Variants in LIFR observed in about 807,000 individuals in gnomAD.
The protein encoded by LIFR is LIF receptor subunit alpha.
In LIFR, 84 loss-of-function variants were observed where a neutral mutation model predicts 122.2. The observed-to-expected ratio is 0.69, with a 90% CI of 0.58 to 0.82. The LOEUF (loss-of-function observed/expected upper bound fraction) is 0.82, where lower values mean the gene tolerates loss of function less well. Ranked by LOEUF, LIFR falls within the 40% of genes least tolerant of loss-of-function variation. The pLI, the probability that LIFR is intolerant of heterozygous loss-of-function variation, is 0.00. For synonymous variants in LIFR, 422 were observed against 434.7 expected, an observed-to-expected ratio of 0.97 and a Z score of 0.36; for missense variants, 1,294 against 1,311.6, an observed-to-expected ratio of 0.99 and a Z score of 0.21.
At chr5:38,564,757 C>T (rs1484708270) in intron 1 of LIFR, among the ~76,000 whole-genome samples, 8 of 151,004 alleles carry the variant, frequency 5.3e-5, no homozygotes, top group African/African-American at 2.0e-4. Flanking sequence ...CACACACACA[C>T]ACACACACAC....
At chr5:38,558,113 T>A (rs1291113834), upstream of LIFR, 1 of 151,980 alleles carries the variant, frequency 6.6e-6, no homozygotes, top group Non-Finnish European at 1.5e-5. Flanking sequence ...GAAAAAAAAT[T>A]TAGGTTTAAG....
At chr5:38,601,431 G>C (rs1008256348) in intron 2 of LIFR, among the ~76,000 whole-genome samples, 1 of 152,190 alleles carries the variant, frequency 6.6e-6, no homozygotes, top group African/African-American at 2.4e-5. Context: ...CAAACTTGAA[G>C]GACTGGAGCA....
At position 38,504,248 on chromosome 5, in the gene LIFR, C is replaced by T. The variant is rs118135436; in HGVS notation, c.1292-127G>A. The T allele has an allele frequency of 1.9e-3, 1,246 of 669,516 alleles. 22 individuals carry two copies. The highest frequency in any genetic ancestry group is 0.013 in the South Asian group (740 of 56,094). The allele number at this position is 669,516 out of a possible 1,614,324, so 41.5% of individuals were successfully genotyped here. ...TAGTGCTGACCAACAACATCCTACC[C>T]AGTATTTGTGGAATTGACAAACCTA... On this transcript the variant is annotated intron_variant, in intron 9 of 19. Transcript: ENST00000453190.
At position 38,474,825 on chromosome 5, in the gene LIFR, T is replaced by G. The variant is rs1377539193; in HGVS notation, c.*6770A>C. The stretch of plus-strand genomic sequence containing the variant: ...AATGTACTCAAATGTTAAAAATACA[T>G]CCATAGCGCTATGTGATTGCTTTAC... On this transcript the variant is annotated 3_prime_UTR_variant, in exon 20 of 20. Transcript: ENST00000453190. The G allele has an allele frequency of 6.5e-6, 1 of 152,716 alleles. No individual in the cohort carries two copies. The highest frequency in any genetic ancestry group is 2.4e-5 in the African/African-American group (1 of 41,456). The allele number at this position is 152,716 out of a possible 1,614,324, so 9.5% of individuals were successfully genotyped here. A position where few individuals can be genotyped will look rare whatever the true frequency, so the allele number is the denominator to read the frequency against.
chr5:38,486,903 C>G (rs1456446068), intron 16 of LIFR, among the ~76,000 whole-genome samples: 1 of 152,236 alleles, frequency 6.6e-6, no homozygotes, highest in Non-Finnish European at 1.5e-5. Context: ...TGAGTTACTG[C>G]TAAGACACAT....
intron 1 of LIFR, among the ~76,000 whole-genome samples, chr5:38,607,085 T>A (rs1750344808): frequency 6.6e-6 from 1 of 152,260 alleles, no homozygotes; most frequent in African/African-American, 2.4e-5. Flanking sequence ...TGTAAACATA[T>A]TTTTTAAAAA....
intron 7 of LIFR, among the ~76,000 whole-genome samples, chr5:38,508,671 G>C (rs1561157845): frequency 1.3e-5 from 2 of 151,990 alleles, no homozygotes; most frequent in African/African-American, 4.8e-5. Context: ...CCGCCTCCTG[G>C]GTTCATGCCA....
chr5:38,527,334 A>G, intron 3 of LIFR, 40 bp from the exon 4 acceptor site: 1 of 1,285,980 alleles, frequency 7.8e-7, no homozygotes, highest in Admixed American at 1.7e-5. Flanking sequence ...AAATAAAATT[A>G]ATAGTATAAT....
At position 38,572,910 on chromosome 5, in the gene LIFR, C is replaced by T. The variant is rs79165949; in HGVS notation, c.-20+22351G>A. 5.8e-3 allele frequency among the ~76,000 whole-genome samples: 882 copies of T among 152,318 alleles called. 9 individuals are homozygous for T. Among genetic ancestry groups the T allele is most frequent in the Admixed American group, 0.019 (289 of 15,300 alleles). On this transcript the variant is annotated intron_variant, in intron 1 of 19. Coordinates refer to the LIFR transcript ENST00000263409. ...AATCATACTCCTTCCCTACACACTA[C>T]GAAACAGTTCAAACTGTGTGCATGG...
intron 7 of LIFR, among the ~76,000 whole-genome samples, chr5:38,508,582 CT>C (rs1194349104): frequency 7.9e-4 from 114 of 145,008 alleles, no homozygotes; most frequent in Middle Eastern, 3.5e-3. Context: ...ATTTCTTTTT[CT>C]TTTTTTTTTT....
intron 1 of LIFR, among the ~76,000 whole-genome samples, chr5:38,547,871 T>C (rs2112639503): frequency 6.6e-6 from 1 of 152,240 alleles, no homozygotes; most frequent in African/African-American, 2.4e-5. Flanking sequence ...CTGTGCACCG[T>C]TACTGTACTG....
rs753234118 is a variant in LIFR at position 38,493,736 on chromosome 5, G to A, written c.1935C>T (p.Leu645=). The A allele has an allele frequency of 1.2e-6, 2 of 1,614,106 alleles. No homozygotes were observed. The highest frequency in any genetic ancestry group is 4.5e-5 in the East Asian group (2 of 44,878). ...TCATGTTGGGGTCGTAATGCCAGGT[G>A]AGGAGAATCCCCTTTCCCATCCCAA... ...QVVGMGKGIL[L]TWHYDPNMTC... Residue 645 remains leucine (L), a synonymous_variant, in exon 14 of 20, where the codon CTC becomes CTT. Coordinates refer to ENST00000453190, the MANE Select transcript of LIFR (RefSeq NM_001127671.2).
intron 1 of LIFR, among the ~76,000 whole-genome samples, chr5:38,576,588 C>T (rs551259814): frequency 6.6e-6 from 1 of 152,292 alleles, no homozygotes; most frequent in South Asian, 2.1e-4. Flanking sequence ...AGAAACGTGA[C>T]ACCATCCGAT....
chr5:38,510,756 G>C, intron 6 of LIFR, 38 bp from the exon 7 acceptor site: 2 of 1,546,970 alleles, frequency 1.3e-6, no homozygotes, highest in Non-Finnish European at 1.8e-6. Flanking sequence ...ATTTTATATA[G>C]AAGTATTTTA....
chr5:38,496,160 T>C lies in LIFR; in HGVS notation c.1885+222A>G, dbSNP rs2162885. 0.3 allele frequency among the ~76,000 whole-genome samples: 45,850 copies of C among 152,114 alleles called. 7,267 individuals are homozygous for C. Among genetic ancestry groups the C allele is most frequent in the East Asian group, 0.42 (2,157 of 5,158 alleles). On this transcript the variant is annotated intron_variant, in intron 13 of 19. Coordinates refer to ENST00000453190, the MANE Select transcript of LIFR (RefSeq NM_001127671.2). ...CTCCAATATTATCCACTATAGTTAC[T>C]GAGTACAGTAATGATTGTATCCATC...
intron 5 of LIFR, among the ~76,000 whole-genome samples, chr5:38,517,062 G>T (rs969740597): frequency 6.6e-6 from 1 of 152,028 alleles, no homozygotes; most frequent in African/African-American, 2.4e-5. Flanking sequence ...TGTCAGGGAT[G>T]GGGGGCTAGG....
intron 1 of LIFR, among the ~76,000 whole-genome samples, chr5:38,551,919 C>T (rs1748225550): frequency 6.6e-6 from 1 of 152,186 alleles, no homozygotes; most frequent in Admixed American, 6.5e-5. Flanking sequence ...TTGCAATTCC[C>T]ATATTTCACA....
At chr5:38,534,810 G>A (rs16900048) in intron 1 of LIFR, among the ~76,000 whole-genome samples, 4,635 of 152,260 alleles carry the variant, frequency 0.03, 274 homozygotes, top group African/African-American at 0.11. Flanking sequence ...CACCTCCAGA[G>A]CAGGTTACGG....
Position 38,480,385 on chromosome 5 carries a change from C to T in LIFR, c.*1210G>A, listed in dbSNP as rs958171933. 4.9e-5 allele frequency: 11 copies of T among 226,034 alleles called. No individual in the cohort carries two copies. Among genetic ancestry groups the T allele is most frequent in the Non-Finnish European group, 8.8e-5 (10 of 113,588 alleles). The allele number at this position is 226,034 out of a possible 1,614,324, so 14.0% of individuals were successfully genotyped here. On this transcript the variant is annotated 3_prime_UTR_variant, in exon 20 of 20. Coordinates refer to ENST00000453190, the MANE Select transcript of LIFR (RefSeq NM_001127671.2). ...CACAGCTCACCAAGCAATTGCTGCA[C>T]CTGCAACACAGGTATGCCCATGGAT...
Sources: gnomAD v4.1 joint callset for allele counts (sites outside exome capture counted in the v4.1 genomes callset) on GRCh38, gnomAD v4.1.1 for gene constraint, MANE v1.5 for transcripts, NCBI Gene and HGNC (gene_info 2026-07-23, HGNC 2026-07-21) for gene names.